Variants in ANKRD30B observed in about 807,000 individuals in gnomAD.
ANKRD30B encodes ankyrin repeat domain 30B, also known as ankyrin repeat domain-containing protein 30B.
Under a neutral mutation model 202.2 loss-of-function variants are expected in ANKRD30B, and 144 were observed. The observed-to-expected ratio is 0.71, with a 90% CI of 0.62 to 0.82. The LOEUF (loss-of-function observed/expected upper bound fraction) is 0.82, where lower values mean the gene tolerates loss of function less well. ANKRD30B is among the 40% of genes least tolerant of loss of function. The probability of loss-of-function intolerance (pLI) is 0.00; values close to 1 mark genes in which losing one functional copy is unlikely to be tolerated. For missense variants in ANKRD30B, 1,487 were observed against 1,669.1 expected, an observed-to-expected ratio of 0.89 and a Z score of 1.90; for synonymous variants, 508 against 561.3, an observed-to-expected ratio of 0.91 and a Z score of 1.34.
rs183186370 is a variant in ANKRD30B, at chr18:14,759,246, G to A, written c.755+1294G>A. 15 of 152,282 alleles carry A rather than the reference G, an allele frequency of 9.9e-5. No individual in the cohort carries two copies. The East Asian group carries it at 2.9e-3, about 29-fold the overall frequency. 9.4% of individuals were successfully genotyped at this position (152,282 alleles called of 1,614,324 possible). A position where few individuals can be genotyped will look rare whatever the true frequency, so the allele number is the denominator to read the frequency against. On this transcript the variant is annotated intron_variant, in intron 5 of 43. Coordinates refer to ENST00000690538, the MANE Select transcript of ANKRD30B (RefSeq NM_001367607.2). ...AAACAATGTCAAGAAGGTTAGCAAG[G>A]TCCCTGCACAAGGATGACACACAAA...
chr18:14,848,462 T>C (rs899631362), intron 39 of ANKRD30B, among the ~76,000 whole-genome samples: 41 of 152,262 alleles, frequency 2.7e-4, no homozygotes, highest in African/African-American at 9.4e-4. Context: ...CTTAGCAATC[T>C]ATTTTCTTAC....
chr18:14,855,313 C>A (rs1972049999), downstream of ANKRD30B, among the ~76,000 whole-genome samples: 1 of 152,246 alleles, frequency 6.6e-6, no homozygotes, highest in South Asian at 2.1e-4. Context: ...TCTTTCTACA[C>A]AGACACAGTA....
intron 33 of ANKRD30B, chr18:14,830,249 G>A (rs1275363139): frequency 1.3e-5 from 2 of 154,056 alleles, no homozygotes; most frequent in Non-Finnish European, 2.9e-5. Flanking sequence ...TGTATATATA[G>A]TACTTAGAGA....
rs779120861 is a variant in ANKRD30B at position 14,748,609 on chromosome 18, G to T, written c.190G>T (p.Val64Phe). Residue 64 changes from valine to phenylalanine, a missense_variant, in exon 1 of 44, where the codon GTC becomes TTC. This residue lies in a region of ANKRD30B where 889 missense variants were observed against 841.4 expected (regional missense o/e 1.06). Transcript: ENST00000690538. ...GAAGATGACAGTAGGGAAGAAGCCC[G>T]TCAACCTGAACAAAAGAGATATGAA... ...LEKMTVGKKPVNLNKRDMKKR... is the reference protein window; with the variant it reads ...LEKMTVGKKPFNLNKRDMKKR... 33 of 1,566,914 alleles carry T rather than the reference G, an allele frequency of 2.1e-5. No homozygotes were observed. Among genetic ancestry groups the T allele is most frequent in the Non-Finnish European group, 2.7e-5 (31 of 1,155,718 alleles).
chr18:14,772,420 T>C (rs1159133870), intron 9 of ANKRD30B, among the ~76,000 whole-genome samples, 192 bp downstream of exon 9: 3 of 151,874 alleles, frequency 2.0e-5, no homozygotes, highest in Non-Finnish European at 4.4e-5. Flanking sequence ...TAACAAATGA[T>C]TGGTAAATAC....
At chr18:14,809,717 A>G (rs868281427) in intron 26 of ANKRD30B, among the ~76,000 whole-genome samples, 1 of 150,990 alleles carries the variant, frequency 6.6e-6, no homozygotes. Flanking sequence ...TGGCAGTCCA[A>G]CCTGGCATTG....
chr18:14,759,702 C>T (rs1318952598), intron 5 of ANKRD30B, among the ~76,000 whole-genome samples: 3 of 151,872 alleles, frequency 2.0e-5, no homozygotes, highest in Non-Finnish European at 2.9e-5. Context: ...TTGATGAGGT[C>T]GGTAATAGAG....
At chr18:14,863,537 CAAAT>C in the ANKRD30B span, among the ~76,000 whole-genome samples, 1 of 151,840 alleles carries the variant, frequency 6.6e-6, no homozygotes, top group Non-Finnish European at 1.5e-5. Flanking sequence ...AACTATAAAC[CAAAT>C]AAATATTTTT....
At position 14,763,999 on chromosome 18, in the gene ANKRD30B, A is replaced by G; in HGVS notation, c.1134A>G (p.Val378=). The G allele has an allele frequency of 6.3e-7, 1 of 1,584,140 alleles. No individual in the cohort carries two copies. ...TAAAGACTGAATGCGTGGCAGGAGT[A>G]ACACCTAATAAAACTGAAGTTTTGG... is the stretch of plus-strand genomic sequence containing the variant. ...TSVKTECVAG[V]TPNKTEVLEK... The change falls in exon 7 of 44, where the codon GTA becomes GTG. Residue 378 remains valine, a synonymous_variant. Coordinates refer to ENST00000690538, the MANE Select transcript of ANKRD30B (RefSeq NM_001367607.2).
chr18:14,810,060 A>G (rs1969821463), intron 27 of ANKRD30B, 46 bp downstream of exon 27: 1 of 1,463,112 alleles, frequency 6.8e-7, no homozygotes, highest in African/African-American at 1.4e-5. Flanking sequence ...TACATATTTT[A>G]TGAAGTATAC....
the ANKRD30B span, among the ~76,000 whole-genome samples, chr18:14,940,744 C>T: frequency 3.9e-5 from 6 of 152,268 alleles, no homozygotes; most frequent in Admixed American, 6.5e-5. Context: ...TGGGGCATAA[C>T]GGGAGATGAA....
In ANKRD30B at chr18:14,852,307, C is replaced by T. The variant is rs1246630076; in HGVS notation, c.4363C>T (p.Pro1455Ser). ...CAAGGTAACAATTAATATTCAGTTT[C>T]CTGAGATGAAAATGCAACGTCATCT... is the stretch of plus-strand genomic sequence containing the variant. ...KSKVTINIQFPEMKMQRHLNE... is the reference protein window; with the variant it reads ...KSKVTINIQFSEMKMQRHLNE... The change falls in exon 42 of 44, where the codon CCT becomes TCT. Residue 1455 changes from proline to serine, a missense_variant. By Grantham distance (74) the Pro-to-Ser change is moderately conservative. Coordinates refer to ENST00000690538, the MANE Select transcript of ANKRD30B (RefSeq NM_001367607.2). The T allele has an allele frequency of 1.3e-6, 2 of 1,543,856 alleles. No individual in the cohort carries two copies. The highest frequency in any genetic ancestry group is 1.7e-6 in the Non-Finnish European group (2 of 1,144,754).
At chr18:14,908,577 C>T in the ANKRD30B span, among the ~76,000 whole-genome samples, 2 of 152,198 alleles carry the variant, frequency 1.3e-5, no homozygotes, top group African/African-American at 4.8e-5. Flanking sequence ...TCGCTCTGAC[C>T]TCACCATCAT....
chr18:14,867,556 C>T, the ANKRD30B span, among the ~76,000 whole-genome samples: 1 of 152,168 alleles, frequency 6.6e-6, no homozygotes, highest in African/African-American at 2.4e-5. Context: ...CGGCCCTTGC[C>T]CTCTTGCTCT....
Position 14,772,228 on chromosome 18 carries a change from G to A in ANKRD30B, c.1329G>A (p.Lys443=). ...KVEEDFNLAT[K]IISKSAAQNY... ...AGGAAGACTTTAATCTTGCTACCAA[G>A]GTAAAATGTTCTTTTGTGAAGTTGA... Residue 443 remains lysine (K), a splice_region_variant and synonymous_variant, in exon 9 of 44, where the codon AAG becomes AAA. Transcript: ENST00000690538. 4.7e-6 allele frequency: 7 copies of A among 1,488,006 alleles called. No homozygotes were observed. The highest frequency in any genetic ancestry group is 6.3e-6 in the Non-Finnish European group (7 of 1,109,556). 92.2% of individuals were successfully genotyped at this position (1,488,006 alleles called of 1,614,324 possible).
rs748796287 is a variant in ANKRD30B at position 14,780,008 on chromosome 18, C to T, written c.1469C>T (p.Ser490Phe). The T allele has an allele frequency of 1.0e-4, 165 of 1,604,842 alleles. No homozygotes were observed. The Admixed American group carries it at 2.7e-3, about 26-fold the overall frequency. Residue 490 changes from serine to phenylalanine, a missense_variant, in exon 11 of 44, where the codon TCT becomes TTT. Physicochemically the swap from Ser to Phe is radical, Grantham distance 155 (BLOSUM62 -2). This residue lies in a region of ANKRD30B where 889 missense variants were observed against 841.4 expected (regional missense o/e 1.06). Transcript: ENST00000690538. ...AAACGAGAGGAAGATGAAGAATATT[C>T]TTGGGATTCTGGGGTATTGTGTATT... ...ESKREEDEEY[S>F]WDSGSLFESS...
the ANKRD30B span, among the ~76,000 whole-genome samples, chr18:14,927,193 A>T: frequency 2.0e-5 from 3 of 152,204 alleles, no homozygotes; most frequent in African/African-American, 7.2e-5. Context: ...AAAGGCACAA[A>T]TTACCTTTGT....
chr18:14,799,226 A>T lies in ANKRD30B; in HGVS notation c.2062A>T (p.Thr688Ser). ...SPDNDGLLKP[T>S]CGRKVSLPNK... is the part of the protein sequence containing the mutation. ...TTGTGTTTCCAAACCCATTTAGCCT[A>T]CCTGTGGAAGGAAAGTTTCTCTTCC... is the stretch of plus-strand genomic sequence containing the variant. The change falls in exon 22 of 44, where the codon ACC (threonine) becomes TCC (serine). Residue 688 changes from threonine to serine, a missense_variant. This residue lies in a region of ANKRD30B where 889 missense variants were observed against 841.4 expected (regional missense o/e 1.06). Transcript: ENST00000690538. 1.3e-6 allele frequency: 2 copies of T among 1,573,636 alleles called. No individual in the cohort carries two copies. Among genetic ancestry groups the T allele is most frequent in the South Asian group, 2.3e-5 (2 of 86,512 alleles).
At chr18:14,794,199 A>G (rs1315893049) in intron 16 of ANKRD30B, among the ~76,000 whole-genome samples, 3 of 152,110 alleles carry the variant, frequency 2.0e-5, no homozygotes, top group Non-Finnish European at 4.4e-5. Context: ...ATTTAAAAAA[A>G]TAACGAAGGT....
Sources: allele counts gnomAD v4.1 joint callset (sites outside exome capture counted in the v4.1 genomes callset), GRCh38; gene constraint gnomAD v4.1.1; regional missense constraint gnomAD v4.1.1; transcripts MANE v1.5; gene names NCBI Gene and HGNC (gene_info 2026-07-23, HGNC 2026-07-21).